The following MOB3B variants were observed in gnomAD, a reference collection of about 807,000 sequenced individuals.
The protein encoded by MOB3B is MOB kinase activator-like 2B.
MOB3B carries 7 observed loss-of-function variants against 18.7 expected under a neutral mutation model. That is an observed-to-expected ratio of 0.37 (90% CI 0.21 to 0.70). The LOEUF (loss-of-function observed/expected upper bound fraction) is 0.70. MOB3B is among the 30% of genes least tolerant of loss of function. The pLI is 0.52. For missense variants in MOB3B, 253 were observed against 281.3 expected (o/e 0.90, Z 0.72); for synonymous variants, 111 against 99.9 (o/e 1.11, Z -0.66).
intron 2 of MOB3B, among the ~76,000 whole-genome samples, chr9:27,453,105 GT>G (rs1822814584): frequency 1.3e-5 from 2 of 152,052 alleles, no homozygotes; most frequent in Non-Finnish European, 2.9e-5. Context: ...ATAAACAAAA[GT>G]TTGACAACTG....
chr9:27,375,336 A>G (rs1821475401), intron 2 of MOB3B, among the ~76,000 whole-genome samples: 2 of 152,230 alleles, frequency 1.3e-5, no homozygotes, highest in Non-Finnish European at 2.9e-5. Context: ...TTCTGAACGG[A>G]ATCCCAGGGA....
At chr9:27,442,707 C>T (rs1475703116) in intron 2 of MOB3B, among the ~76,000 whole-genome samples, 1 of 152,186 alleles carries the variant, frequency 6.6e-6, no homozygotes, top group Non-Finnish European at 1.5e-5. Flanking sequence ...GCAGTGGCTT[C>T]CGGCTCTTGT....
chr9:27,516,222 T>C lies in MOB3B; in HGVS notation c.-199+13333A>G, dbSNP rs138371182. On this transcript the variant is annotated intron_variant, in intron 1 of 3. Coordinates refer to ENST00000262244, the MANE Select transcript of MOB3B (RefSeq NM_024761.5). ...AGGACTATGAGAGAATAAATTTCCA[T>C]TGTTCTAAGCCACCTAAGTTATGGT... is the stretch of plus-strand genomic sequence containing the variant. Among the ~76,000 whole-genome samples the C allele has an allele frequency of 7.2e-5, 11 of 152,306 alleles. No individual in the cohort carries two copies. The East Asian group carries it at 2.1e-3, about 29-fold the overall frequency.
At chr9:27,438,300 C>T (rs1050345581) in intron 2 of MOB3B, among the ~76,000 whole-genome samples, 1 of 152,192 alleles carries the variant, frequency 6.6e-6, no homozygotes, top group African/African-American at 2.4e-5. Flanking sequence ...CCTGTTCCTA[C>T]CCAGGTCTGG....
chr9:27,348,801 T>G (rs899417628), intron 3 of MOB3B, among the ~76,000 whole-genome samples: 2 of 152,238 alleles, frequency 1.3e-5, no homozygotes, highest in African/African-American at 4.8e-5. Flanking sequence ...TACATGGTGA[T>G]TTCCATCTTG....
At chr9:27,447,712 G>A (rs1387456344) in intron 2 of MOB3B, among the ~76,000 whole-genome samples, 1 of 152,132 alleles carries the variant, frequency 6.6e-6, no homozygotes, top group Non-Finnish European at 1.5e-5. Flanking sequence ...GTTGAGCAGG[G>A]GTGGTTATTT....
intron 2 of MOB3B, among the ~76,000 whole-genome samples, chr9:27,442,387 G>T (rs975481101): frequency 5.9e-5 from 9 of 152,166 alleles, no homozygotes; most frequent in African/African-American, 2.2e-4. Context: ...CTGACATTAT[G>T]TCATATATTT....
intron 1 of MOB3B, among the ~76,000 whole-genome samples, chr9:27,495,754 G>A (rs1432505337): frequency 1.3e-5 from 2 of 152,210 alleles, no homozygotes; most frequent in Non-Finnish European, 2.9e-5. Flanking sequence ...TATATTACCA[G>A]TATTGAGAGT....
At chr9:27,466,003 A>G (rs1819377656) in intron 1 of MOB3B, among the ~76,000 whole-genome samples, 1 of 152,220 alleles carries the variant, frequency 6.6e-6, no homozygotes, top group African/African-American at 2.4e-5. Flanking sequence ...CCATGGTCTT[A>G]GGGATTAACA....
chr9:27,398,311 A>T (rs1456491406), intron 2 of MOB3B, among the ~76,000 whole-genome samples: 1 of 152,190 alleles, frequency 6.6e-6, no homozygotes, highest in African/African-American at 2.4e-5. Context: ...TTTGCTCTGG[A>T]GGATTTTGTA....
At chr9:27,418,091 C>CAAAAAAAAAAAAAAAAAAAAAAAAAA (rs57850999) in intron 2 of MOB3B, among the ~76,000 whole-genome samples, 2 of 44,062 alleles carry the variant, frequency 4.5e-5, no homozygotes, top group African/African-American at 1.4e-4. Flanking sequence ...GACTCCACCT[C>CAAAAAAAAAAAAAAAAAAAAAAAAAA]AAAAAAAAAA....
At chr9:27,383,791 C>A (rs1015446360) in intron 2 of MOB3B, among the ~76,000 whole-genome samples, 2 of 152,122 alleles carry the variant, frequency 1.3e-5, no homozygotes, top group Non-Finnish European at 2.9e-5. Context: ...CTGCGCTCTA[C>A]CCAAAACATA....
chr9:27,393,956 G>A (rs1821765008), intron 2 of MOB3B: 1 of 152,120 alleles, frequency 6.6e-6, no homozygotes, highest in Non-Finnish European at 1.5e-5. Context: ...AGGGAGGGTT[G>A]TTTTCACTTC....
intron 3 of MOB3B, among the ~76,000 whole-genome samples, chr9:27,351,482 A>G (rs930149161): frequency 2.0e-5 from 3 of 152,250 alleles, no homozygotes; most frequent in African/African-American, 4.8e-5. Flanking sequence ...TGTAAAGGCC[A>G]AACTGTCAGC....
At chr9:27,519,833 A>G (rs1820295933) in intron 1 of MOB3B, among the ~76,000 whole-genome samples, 1 of 152,024 alleles carries the variant, frequency 6.6e-6, no homozygotes, top group Admixed American at 6.6e-5. Flanking sequence ...CTGGCCCCAA[A>G]TGAGGCTGAC....
chr9:27,401,479 A>T (rs1402106135), intron 2 of MOB3B, among the ~76,000 whole-genome samples: 1 of 152,196 alleles, frequency 6.6e-6, no homozygotes, highest in South Asian at 2.1e-4. Context: ...GGGATCACAC[A>T]GACAAAGGCA....
intron 3 of MOB3B, among the ~76,000 whole-genome samples, chr9:27,330,985 AGC>A: frequency 6.6e-6 from 1 of 152,186 alleles, no homozygotes. Context: ...CTGACTTCCC[AGC>A]AGGAGCCATG....
At chr9:27,423,398 C>CTTTTTTTTTTTTTTT (rs34788661) in intron 2 of MOB3B, among the ~76,000 whole-genome samples, 1 of 141,986 alleles carries the variant, frequency 7.0e-6, no homozygotes, top group African/African-American at 2.6e-5. Flanking sequence ...TGGCAATACT[C>CTTTTTTTTTTTTTTT]TTTTTTTTTT....
intron 1 of MOB3B, among the ~76,000 whole-genome samples, chr9:27,527,583 G>T (rs930400116): frequency 1.8e-4 from 27 of 152,196 alleles, no homozygotes; most frequent in African/African-American, 6.3e-4. Flanking sequence ...GTCTGAGTGG[G>T]TACATAGATC....
Sources: gnomAD v4.1 joint callset for allele counts (sites outside exome capture counted in the v4.1 genomes callset) on GRCh38, gnomAD v4.1.1 for gene constraint, MANE v1.5 for transcripts, NCBI Gene and HGNC (gene_info 2026-07-23, HGNC 2026-07-21) for gene names.